SCNN1G: variants seen among roughly 807,000 people sequenced by gnomAD.
SCNN1G encodes sodium channel epithelial 1 subunit gamma.
A neutral mutation model predicts 64.6 loss-of-function variants in SCNN1G; 27 were observed. The ratio of observed to expected loss-of-function variants is 0.42; its 90% CI spans 0.31 to 0.58. The LOEUF (loss-of-function observed/expected upper bound fraction) is 0.58. Ranked by LOEUF, SCNN1G falls within the 20% of genes least tolerant of loss-of-function variation. The probability of loss-of-function intolerance (pLI) is 0.18; values close to 1 mark genes in which losing one functional copy is unlikely to be tolerated. For synonymous variants in SCNN1G, 330 were observed against 314.2 expected, an observed-to-expected ratio of 1.05 and a Z score of -0.53; for missense variants, 743 against 823.4, an observed-to-expected ratio of 0.90 and a Z score of 1.19.
At position 23,189,800 on chromosome 16, in the gene SCNN1G, A is replaced by G. The variant is rs967381277; in HGVS notation, c.618+129A>G. ...AATACACCCAGCTGGGGTCAGACAC[A>G]GTGACTCATGCTTGTAATCCCAGCG... On this transcript the variant is annotated intron_variant, in intron 3 of 12. Coordinates refer to ENST00000300061, the MANE Select transcript of SCNN1G (RefSeq NM_001039.4). The G allele has an allele frequency of 1.3e-5, 12 of 954,452 alleles. No homozygotes were observed. In the South Asian group the frequency reaches 1.6e-4, roughly 12 times the overall value. 59.1% of individuals were successfully genotyped at this position (954,452 alleles called of 1,614,324 possible).
intron 10 of SCNN1G, 33 bp downstream of exon 10, chr16:23,212,927 G>A: frequency 6.2e-7 from 1 of 1,607,378 alleles, no homozygotes; most frequent in Non-Finnish European, 8.5e-7. Context: ...CCCCACTGAA[G>A]CCCCCAGCCT....
At chr16:23,212,371 A>T (rs545374515) in intron 8 of SCNN1G, among the ~76,000 whole-genome samples, 6 of 152,326 alleles carry the variant, frequency 3.9e-5, no homozygotes, top group African/African-American at 1.4e-4. Flanking sequence ...AACGGTGGAT[A>T]TTACCTTTTC....
At chr16:23,184,263 G>T (rs1272907902) in intron 1 of SCNN1G, among the ~76,000 whole-genome samples, 1 of 152,126 alleles carries the variant, frequency 6.6e-6, no homozygotes, top group East Asian at 1.9e-4. Flanking sequence ...GGGGCTGATG[G>T]GGCAGAGGTA....
intron 2 of SCNN1G, among the ~76,000 whole-genome samples, chr16:23,187,101 C>CTTTTCTTT (rs1959621838): frequency 7.3e-6 from 1 of 136,952 alleles, no homozygotes; most frequent in African/African-American, 2.7e-5. Flanking sequence ...AGTACCTGGC[C>CTTTTCTTT]TTTTCTTTTT....
intron 6 of SCNN1G, among the ~76,000 whole-genome samples, chr16:23,204,755 G>A (rs986044455): frequency 6.6e-6 from 1 of 151,956 alleles, no homozygotes; most frequent in Non-Finnish European, 1.5e-5. Flanking sequence ...TTTGAGACCA[G>A]ATACTAAATT....
intron 5 of SCNN1G, among the ~76,000 whole-genome samples, chr16:23,196,826 A>G (rs751378800): frequency 8.5e-5 from 13 of 152,130 alleles, no homozygotes; most frequent in Non-Finnish European, 1.8e-4. Context: ...TGGGAGGAGA[A>G]GTTGGGCCAG....
At chr16:23,211,462 C>G (rs1960077898) in intron 7 of SCNN1G, among the ~76,000 whole-genome samples, 1 of 152,186 alleles carries the variant, frequency 6.6e-6, no homozygotes, top group Non-Finnish European at 1.5e-5. Context: ...GGAAAATGAC[C>G]ACCCAACTAC....
intron 2 of SCNN1G, among the ~76,000 whole-genome samples, chr16:23,188,903 G>T (rs138349574): frequency 6.6e-5 from 10 of 152,288 alleles, no homozygotes; most frequent in African/African-American, 2.2e-4. Flanking sequence ...GGTCATCGAG[G>T]TAACAGTTAT....
intron 6 of SCNN1G, among the ~76,000 whole-genome samples, chr16:23,206,214 T>G (rs919113240): frequency 6.6e-6 from 1 of 152,164 alleles, no homozygotes; most frequent in African/African-American, 2.4e-5. Context: ...GAGTTACCAC[T>G]GAAATGTGAG....
intron 6 of SCNN1G, 39 bp from the exon 7 acceptor site, chr16:23,209,711 G>A (rs377442672): frequency 1.2e-4 from 181 of 1,502,042 alleles, no homozygotes; most frequent in Non-Finnish European, 1.6e-4. Flanking sequence ...CTGGGTCCGG[G>A]GGGAGGACAG....
At position 23,184,326 on chromosome 16, in the gene SCNN1G, T is replaced by G. The variant is rs1349467476; in HGVS notation, c.-45+1513T>G. Among the ~76,000 whole-genome samples the G allele has an allele frequency of 2.0e-5, 3 of 152,100 alleles. No homozygotes were observed. The East Asian group carries it at 5.8e-4, about 29-fold the overall frequency. ...CAGAATCACAGCTTCTGTTGAACAT[T>G]CACAGAGGAGGGCTGCAGTTTTATT... On this transcript the variant is annotated intron_variant, in intron 1 of 12. Transcript: ENST00000300061.
Position 23,206,321 on chromosome 16 carries a change from T to C in SCNN1G, c.1078-3429T>C, listed in dbSNP as rs1273109890. Among the ~76,000 whole-genome samples, 2 of 152,192 alleles carry C rather than the reference T, an allele frequency of 1.3e-5. 1 individual carries two copies. The highest frequency in any genetic ancestry group is 2.9e-5 in the Non-Finnish European group (2 of 68,026). ...TTATACTGGTTGGAAGGTCTCAAGG[T>C]TGCAAGAAGGTGGGAGCTGGCTCTC... On this transcript the variant is annotated intron_variant, in intron 6 of 12. Coordinates refer to ENST00000300061, the MANE Select transcript of SCNN1G (RefSeq NM_001039.4).
intron 10 of SCNN1G, 55 bp from the exon 11 acceptor site, chr16:23,213,047 G>A: frequency 6.4e-7 from 1 of 1,561,520 alleles, no homozygotes. Flanking sequence ...GAGGCGGGAG[G>A]CTGGCCCTAG....
chr16:23,187,778 G>T (rs1174306343), intron 2 of SCNN1G, among the ~76,000 whole-genome samples: 1 of 152,164 alleles, frequency 6.6e-6, no homozygotes, highest in Non-Finnish European at 1.5e-5. Context: ...GTTCTAAATG[G>T]GTCATCAGAG....
At chr16:23,202,120 G>C (rs1959899581) in intron 6 of SCNN1G, among the ~76,000 whole-genome samples, 1 of 152,150 alleles carries the variant, frequency 6.6e-6, no homozygotes, top group South Asian at 2.1e-4. Context: ...CCTGACCAAA[G>C]ACAAAAGTAA....
chr16:23,194,642 C>T (rs968247098), intron 5 of SCNN1G, among the ~76,000 whole-genome samples: 1 of 152,160 alleles, frequency 6.6e-6, no homozygotes. Flanking sequence ...GAAGTAGACG[C>T]ACATTTATCT....
At chr16:23,197,071 G>A (rs1567265103) in intron 5 of SCNN1G, among the ~76,000 whole-genome samples, 193 bp from the exon 6 acceptor site, 1 of 152,204 alleles carries the variant, frequency 6.6e-6, no homozygotes, top group South Asian at 2.1e-4. Flanking sequence ...GCTAAGCTGT[G>A]GGGGCACAGC....
In SCNN1G at chr16:23,212,665, C is replaced by T. The variant is rs1238725062; in HGVS notation, c.1295-13C>T. The T allele has an allele frequency of 1.7e-5, 27 of 1,610,936 alleles. No individual in the cohort carries two copies. The highest frequency in any genetic ancestry group is 2.1e-5 in the Non-Finnish European group (25 of 1,177,184). On this transcript the variant is annotated splice_polypyrimidine_tract_variant and intron_variant, in intron 8 of 12. Transcript: ENST00000300061. ...GCTCCAAAGCTCATGCTGCCCTCTC[C>T]CTTGTCCCTCAGTGTATTGTTACTA...
chr16:23,186,868 G>A lies in SCNN1G; in HGVS notation c.317+280G>A, dbSNP rs9797088. 0.21 allele frequency among the ~76,000 whole-genome samples: 31,534 copies of A among 151,952 alleles called. 3,624 individuals are homozygous for A. The highest frequency in any genetic ancestry group is 0.31 in the Admixed American group (4,678 of 15,242). ...CTCTTGTTGCCCAGGCTGGGATGCAGTGGTGCGATCTCGGCTCACTGCAAC... is the reference window on the plus strand; with the variant it reads ...CTCTTGTTGCCCAGGCTGGGATGCAATGGTGCGATCTCGGCTCACTGCAAC... On this transcript the variant is annotated intron_variant, in intron 2 of 12. Transcript: ENST00000300061.
Sources: allele counts gnomAD v4.1 joint callset (sites outside exome capture counted in the v4.1 genomes callset), GRCh38; gene constraint gnomAD v4.1.1; transcripts MANE v1.5; gene names NCBI Gene and HGNC (gene_info 2026-07-23, HGNC 2026-07-21).